Variants in EHBP1 observed in about 807,000 individuals in gnomAD.
The protein encoded by EHBP1 is EH domain-binding protein 1.
EHBP1 carries 55 observed loss-of-function variants against 144.0 expected under a neutral mutation model. The observed-to-expected ratio is 0.38, with a 90% confidence interval of 0.31 to 0.48. EHBP1 has a LOEUF of 0.48. EHBP1 is among the 20% of genes least tolerant of loss of function. The pLI is 0.98. For missense variants in EHBP1, 1,200 were observed against 1,364.2 expected (o/e 0.88, Z 1.90); for synonymous variants, 469 against 472.7 (o/e 0.99, Z 0.10).
intron 10 of EHBP1, among the ~76,000 whole-genome samples, chr2:62,890,539 C>T (rs1011396767): frequency 1.3e-5 from 2 of 151,972 alleles, no homozygotes; most frequent in African/African-American, 4.8e-5. Flanking sequence ...GCTGTCAGCT[C>T]GACTGTTTTT....
Position 62,723,139 on chromosome 2 carries a change from G to A in EHBP1, c.104+15844G>A, listed in dbSNP as rs547181055. ...TTCCACAAGTCTCTTTGAAGGTCTC[G>A]AAGAAATTGCTTTATGAATTGGGGT... is the stretch of plus-strand genomic sequence containing the variant. On this transcript the variant is annotated intron_variant, in intron 2 of 22. Coordinates refer to ENST00000431489, the MANE Select transcript of EHBP1 (RefSeq NM_001142616.3). Among the ~76,000 whole-genome samples the A allele has an allele frequency of 5.9e-5, 9 of 152,206 alleles. No individual in the cohort carries two copies. In the South Asian group the frequency reaches 1.5e-3, roughly 25 times the overall value.
At chr2:62,761,838 G>A (rs551626373) in intron 3 of EHBP1, among the ~76,000 whole-genome samples, 1 of 152,140 alleles carries the variant, frequency 6.6e-6, no homozygotes, top group South Asian at 2.1e-4. Flanking sequence ...CTTCTGCAAC[G>A]ATTTTCTCCA....
rs776125046 is a variant in EHBP1, at chr2:62,980,818, AAT to A, written c.2608+1500_2608+1501del. On this transcript the variant is annotated intron_variant, in intron 15 of 22. Coordinates refer to ENST00000431489, the MANE Select transcript of EHBP1 (RefSeq NM_001142616.3). The stretch of plus-strand genomic sequence containing the variant: ...ACATCACAGGACCCTATTGCTACCA[AAT>A]ATATATATATATATATTTTAATTTT... Among the ~76,000 whole-genome samples, 127 of 146,608 alleles carry A rather than the reference AAT, an allele frequency of 8.7e-4. No individual in the cohort carries two copies. In the Middle Eastern group the frequency reaches 0.011, roughly 12 times the overall value.
chr2:63,026,432 C>A (rs1214977933), intron 19 of EHBP1, among the ~76,000 whole-genome samples: 1 of 151,930 alleles, frequency 6.6e-6, no homozygotes, highest in African/African-American at 2.4e-5. Flanking sequence ...ATGAGCCTGG[C>A]ACTATTCTAA....
At chr2:62,889,580 A>G (rs2052266886) in intron 10 of EHBP1, among the ~76,000 whole-genome samples, 1 of 152,138 alleles carries the variant, frequency 6.6e-6, no homozygotes, top group African/African-American at 2.4e-5. Context: ...TTTATGTGGT[A>G]TAAAGAAGGG....
At chr2:62,797,541 C>A (rs1471564039) in intron 5 of EHBP1, among the ~76,000 whole-genome samples, 1 of 152,240 alleles carries the variant, frequency 6.6e-6, no homozygotes, top group South Asian at 2.1e-4. Context: ...AATAAAAATA[C>A]GCCAATCAAG....
At chr2:62,684,702 G>A (rs2033660052) in intron 1 of EHBP1, among the ~76,000 whole-genome samples, 2 of 152,128 alleles carry the variant, frequency 1.3e-5, no homozygotes, top group South Asian at 2.1e-4. Flanking sequence ...GCCCATCAAT[G>A]GCTTAGAAGG....
At chr2:62,705,346 C>T (rs2034446211), upstream of EHBP1, among the ~76,000 whole-genome samples, 1 of 152,116 alleles carries the variant, frequency 6.6e-6, no homozygotes, top group South Asian at 2.1e-4. Context: ...AAACCCAGCC[C>T]CGCACCAGCG....
chr2:62,925,024 A>G (rs977631138), intron 10 of EHBP1, among the ~76,000 whole-genome samples: 2 of 152,238 alleles, frequency 1.3e-5, no homozygotes, highest in Non-Finnish European at 2.9e-5. Flanking sequence ...ACCAAGTGGA[A>G]TTTAGCCCAA....
At chr2:62,954,894 A>T (rs944294568) in intron 13 of EHBP1, among the ~76,000 whole-genome samples, 1 of 152,206 alleles carries the variant, frequency 6.6e-6, no homozygotes, top group Non-Finnish European at 1.5e-5. Context: ...GTTGATGGAC[A>T]GTATCTGTTG....
In EHBP1 at chr2:62,943,792, T is replaced by G; in HGVS notation, c.1365-10T>G. The G allele has an allele frequency of 5.0e-6, 8 of 1,587,516 alleles. No homozygotes were observed. The highest frequency in any genetic ancestry group is 6.9e-6 in the Non-Finnish European group (8 of 1,162,630). On this transcript the variant is annotated splice_polypyrimidine_tract_variant and intron_variant, in intron 11 of 22. Transcript: ENST00000431489. ...ACTATATGTACCCACTGTGCTATTT[T>G]CTCCCTCAGTGACTACAAGTCTCTG...
intron 3 of EHBP1, among the ~76,000 whole-genome samples, chr2:62,752,256 G>A (rs2039812544): frequency 6.6e-6 from 1 of 152,220 alleles, no homozygotes; most frequent in Non-Finnish European, 1.5e-5. Context: ...TAGCCATTCA[G>A]GAGCAGGTTG....
chr2:62,981,069 C>CA (rs754301803), intron 15 of EHBP1, among the ~76,000 whole-genome samples: 1,224 of 47,704 alleles, frequency 0.026, 13 homozygotes, highest in Middle Eastern at 0.041. Context: ...GATGCTGTCT[C>CA]AAAAAAAAAA....
At chr2:62,935,349 A>G (rs1291607944) in intron 10 of EHBP1, among the ~76,000 whole-genome samples, 2 of 143,270 alleles carry the variant, frequency 1.4e-5, no homozygotes, top group Non-Finnish European at 3.0e-5. Flanking sequence ...AAAAAAATAT[A>G]TATATATATA....
chr2:62,791,853 G>A (rs772094192), intron 5 of EHBP1, among the ~76,000 whole-genome samples: 1 of 151,898 alleles, frequency 6.6e-6, no homozygotes, highest in Non-Finnish European at 1.5e-5. Context: ...TATTTATAAT[G>A]GTAGTTTAGA....
At position 62,873,638 on chromosome 2, in the gene EHBP1, A is replaced by G. The variant is rs1465872209; in HGVS notation, c.999-708A>G. Among the ~76,000 whole-genome samples the G allele has an allele frequency of 4.6e-5, 7 of 152,296 alleles. No individual in the cohort carries two copies. In the East Asian group the frequency reaches 1.4e-3, roughly 29 times the overall value. ...GGAAATACAAGGAGTCTGAAACAGAATAAATCCACACCTAGACATGTCATG... is the reference window on the plus strand; with the variant it reads ...GGAAATACAAGGAGTCTGAAACAGAGTAAATCCACACCTAGACATGTCATG... On this transcript the variant is annotated intron_variant, in intron 9 of 22. Coordinates refer to ENST00000431489, the MANE Select transcript of EHBP1 (RefSeq NM_001142616.3).
At chr2:62,785,604 T>C (rs1313804634) in intron 5 of EHBP1, among the ~76,000 whole-genome samples, 2 of 152,054 alleles carry the variant, frequency 1.3e-5, no homozygotes, top group Non-Finnish European at 2.9e-5. Flanking sequence ...GGGAAAGATA[T>C]CCAGAAGGCA....
At position 62,998,882 on chromosome 2, in the gene EHBP1, C is replaced by T. The variant is rs146850429; in HGVS notation, c.3103+2116C>T. Among the ~76,000 whole-genome samples the T allele has an allele frequency of 1.4e-3, 217 of 152,236 alleles. 1 individual carries two copies. The highest frequency in any genetic ancestry group is 7.6e-4 in the Non-Finnish European group (52 of 68,004). On this transcript the variant is annotated intron_variant, in intron 19 of 22. Coordinates refer to ENST00000431489, the MANE Select transcript of EHBP1 (RefSeq NM_001142616.3). ...AATCATCCTAGACTGTTTTAAACCT[C>T]CTCCAACACAAATAATGTTTTAAGA... is the stretch of plus-strand genomic sequence containing the variant.
At chr2:62,764,600 A>G (rs1432761164) in intron 4 of EHBP1, among the ~76,000 whole-genome samples, 2 of 152,036 alleles carry the variant, frequency 1.3e-5, no homozygotes, top group Admixed American at 1.3e-4. Flanking sequence ...TTCTTTTACC[A>G]CTTCCTACAC....
Sources: allele counts gnomAD v4.1 joint callset (sites outside exome capture counted in the v4.1 genomes callset), GRCh38; gene constraint gnomAD v4.1.1; transcripts MANE v1.5; gene names NCBI Gene and HGNC (gene_info 2026-07-23, HGNC 2026-07-21).